The following ARHGAP26 variants were observed in gnomAD, a reference collection of about 807,000 sequenced individuals.
The protein encoded by ARHGAP26 is Rho GTPase activating protein 26.
A neutral mutation model predicts 104.8 loss-of-function variants in ARHGAP26; 38 were observed. The ratio of observed to expected loss-of-function variants is 0.36; its 90% CI spans 0.28 to 0.48. The LOEUF is 0.48. ARHGAP26 is among the 20% of genes least tolerant of loss of function. The pLI is 0.99. For missense variants in ARHGAP26, 704 were observed against 947.9 expected (o/e 0.74, Z 3.38); for synonymous variants, 341 against 340.0 (o/e 1.00, Z -0.03).
intron 4 of ARHGAP26, among the ~76,000 whole-genome samples, chr5:142,884,377 C>T (rs1334240052): frequency 6.6e-6 from 1 of 152,182 alleles, no homozygotes; most frequent in Non-Finnish European, 1.5e-5. Context: ...CCCAATGATT[C>T]AGTGGTGGGG....
chr5:142,894,852 C>A (rs1490828794), intron 6 of ARHGAP26, among the ~76,000 whole-genome samples: 2 of 152,208 alleles, frequency 1.3e-5, no homozygotes, highest in African/African-American at 2.4e-5. Context: ...ATGGATTTCC[C>A]ACATGGATTT....
chr5:142,942,718 G>C (rs1766541119), intron 11 of ARHGAP26, among the ~76,000 whole-genome samples: 1 of 152,166 alleles, frequency 6.6e-6, no homozygotes, highest in South Asian at 2.1e-4. Context: ...ATTATACATT[G>C]ATTAGTGGGA....
intron 17 of ARHGAP26, among the ~76,000 whole-genome samples, chr5:143,087,914 G>T (rs1047987065): frequency 1.3e-5 from 2 of 152,228 alleles, no homozygotes; most frequent in Middle Eastern, 3.4e-3. Flanking sequence ...CTCCCAAAGT[G>T]CTGGGATTAC....
At chr5:143,101,237 C>G (rs1793188407) in intron 17 of ARHGAP26, among the ~76,000 whole-genome samples, 1 of 152,198 alleles carries the variant, frequency 6.6e-6, no homozygotes, top group Non-Finnish European at 1.5e-5. Context: ...ATGAGTCTGG[C>G]AGGAAGGATG....
intron 1 of ARHGAP26, among the ~76,000 whole-genome samples, chr5:142,815,384 G>C (rs918145474): frequency 6.6e-6 from 1 of 152,140 alleles, no homozygotes; most frequent in African/African-American, 2.4e-5. Context: ...TTCTATTTTA[G>C]CTATGAGAAC....
At chr5:142,862,972 G>C (rs1426714383) in intron 1 of ARHGAP26, among the ~76,000 whole-genome samples, 1 of 152,098 alleles carries the variant, frequency 6.6e-6, no homozygotes, top group Admixed American at 6.5e-5. Flanking sequence ...CTTTGAGAAT[G>C]ACATAGAGGT....
intron 1 of ARHGAP26, among the ~76,000 whole-genome samples, chr5:142,822,359 G>A (rs538515394): frequency 1.1e-4 from 17 of 152,180 alleles, no homozygotes; most frequent in Non-Finnish European, 2.2e-4. Flanking sequence ...CTCGAAAGGG[G>A]AAGGCTATCT....
intron 17 of ARHGAP26, among the ~76,000 whole-genome samples, chr5:143,105,989 C>T (rs948710802): frequency 4.6e-5 from 7 of 151,064 alleles, no homozygotes; most frequent in Non-Finnish European, 8.8e-5. Context: ...CCTGACTTTT[C>T]GCAGAGTAGC....
intron 21 of ARHGAP26, among the ~76,000 whole-genome samples, chr5:143,209,186 G>A (rs982420533): frequency 2.0e-5 from 3 of 152,168 alleles, no homozygotes; most frequent in African/African-American, 7.2e-5. Context: ...ATCCTAAAAT[G>A]TCCTCTCTGC....
At chr5:142,875,863 C>T (rs1404849003) in intron 3 of ARHGAP26, among the ~76,000 whole-genome samples, 4 of 152,174 alleles carry the variant, frequency 2.6e-5, no homozygotes, top group Non-Finnish European at 5.9e-5. Flanking sequence ...GCTTCAGCCT[C>T]CTGAGTAGCT....
intron 2 of ARHGAP26, among the ~76,000 whole-genome samples, chr5:142,874,669 G>A (rs1341770838): frequency 6.6e-6 from 1 of 152,194 alleles, no homozygotes; most frequent in African/African-American, 2.4e-5. Flanking sequence ...CAGAGATGTG[G>A]CTTCCAATGC....
intron 11 of ARHGAP26, among the ~76,000 whole-genome samples, chr5:142,998,386 G>A (rs1776717675): frequency 6.6e-6 from 1 of 152,148 alleles, no homozygotes; most frequent in Admixed American, 6.5e-5. Context: ...CTTTGGATTT[G>A]TGCGTTCATC....
intron 20 of ARHGAP26, among the ~76,000 whole-genome samples, chr5:143,159,955 ATTGT>A (rs1019189696): frequency 6.7e-6 from 1 of 149,870 alleles, no homozygotes; most frequent in African/African-American, 2.5e-5. Context: ...GTGTGCATTG[ATTGT>A]TTAGCTTCAA....
chr5:142,910,732 C>T (rs2152477092), intron 9 of ARHGAP26, among the ~76,000 whole-genome samples: 1 of 152,228 alleles, frequency 6.6e-6, no homozygotes, highest in East Asian at 1.9e-4. Flanking sequence ...GTGCGAGACT[C>T]CATCTCAAAA....
intron 12 of ARHGAP26, among the ~76,000 whole-genome samples, chr5:143,018,775 CTATT>C (rs1334752513): frequency 1.3e-5 from 2 of 152,148 alleles, no homozygotes; most frequent in African/African-American, 2.4e-5. Context: ...TAAGTCTCCT[CTATT>C]TATTCTCCCT....
At chr5:142,785,079 C>T (rs1245456739) in intron 1 of ARHGAP26, among the ~76,000 whole-genome samples, 2 of 151,984 alleles carry the variant, frequency 1.3e-5, no homozygotes, top group African/African-American at 2.4e-5. Context: ...TACAGGCGCC[C>T]ACCACCATGC....
At chr5:142,907,827 A>T in intron 9 of ARHGAP26, 23 bp downstream of exon 9, 1 of 1,552,494 alleles carries the variant, frequency 6.4e-7, no homozygotes, top group Non-Finnish European at 8.9e-7. Context: ...TTAAAATTTG[A>T]TGTTTGATTT....
Position 143,203,906 on chromosome 5 carries a change from C to T in ARHGAP26, c.1989-3292C>T, listed in dbSNP as rs183526264. Among the ~76,000 whole-genome samples, 571 of 150,034 alleles carry T rather than the reference C, an allele frequency of 3.8e-3. 2 individuals carry two copies. The highest frequency in any genetic ancestry group is 0.013 in the African/African-American group (543 of 40,878). ...ACACAGGGAGGGGAACATCACACAC[C>T]GGGGCCTGTCAGGGGGTAGGGGGCT... On this transcript the variant is annotated intron_variant, in intron 20 of 22. Coordinates refer to ENST00000645722, the MANE Select transcript of ARHGAP26 (RefSeq NM_001135608.3).
In ARHGAP26 at chr5:143,131,906, G is replaced by C. The variant is rs140498812; in HGVS notation, c.1699-2061G>C. On this transcript the variant is annotated intron_variant, in intron 18 of 22. Coordinates refer to ENST00000645722, the MANE Select transcript of ARHGAP26 (RefSeq NM_001135608.3). ...GTAGGGAGAAAGCTTCTTAGAGGTT[G>C]CAGTCCTTGAGCTTTTCTTTCTATT... Among the ~76,000 whole-genome samples, 401 of 152,336 alleles carry C rather than the reference G, an allele frequency of 2.6e-3. 2 individuals are homozygous for C. The highest frequency in any genetic ancestry group is 0.01 in the Middle Eastern group (3 of 294).
Sources: allele counts gnomAD v4.1 joint callset (sites outside exome capture counted in the v4.1 genomes callset), GRCh38; gene constraint gnomAD v4.1.1; transcripts MANE v1.5; gene names NCBI Gene and HGNC (gene_info 2026-07-23, HGNC 2026-07-21).